The following ANKRD36B variants were observed in gnomAD, a reference collection of about 807,000 sequenced individuals.
The protein encoded by ANKRD36B is ankyrin repeat domain 36B, also known as ankyrin repeat domain-containing protein 36B.
Under a neutral mutation model 135.7 loss-of-function variants are expected in ANKRD36B, and 37 were observed. The observed-to-expected ratio is 0.27, with a 90% confidence interval of 0.21 to 0.36. The LOEUF (loss-of-function observed/expected upper bound fraction) is 0.36, where lower values mean the gene tolerates loss of function less well. Ranked by LOEUF, ANKRD36B falls within the 10% of genes least tolerant of loss-of-function variation. ANKRD36B has a pLI of 1.00. For synonymous variants in ANKRD36B, 179 were observed against 348.1 expected (o/e 0.51, Z 5.41); for missense variants, 549 against 1,037.1 (o/e 0.53, Z 6.46).
At chr2:97,578,314 GC>G (rs2082356270) in intron 5 of ANKRD36B, among the ~76,000 whole-genome samples, 1 of 152,050 alleles carries the variant, frequency 6.6e-6, no homozygotes, top group Non-Finnish European at 1.5e-5. Context: ...GAAAGGGCAT[GC>G]TGGTAGCAAA....
Position 97,589,769 on chromosome 2 carries a change from T to G in ANKRD36B, c.-84A>C. 3.1e-6 allele frequency: 5 copies of G among 1,605,586 alleles called. No homozygotes were observed. Among genetic ancestry groups the G allele is most frequent in the Non-Finnish European group, 4.3e-6 (5 of 1,175,634 alleles). Reference sequence around the variant, plus strand: ...CCTGCAGCCGTATTTCAGCTCGCCTTCGGGGATCGCCGCCTCCGAAGAGCA... The same window carrying G: ...CCTGCAGCCGTATTTCAGCTCGCCTGCGGGGATCGCCGCCTCCGAAGAGCA... On this transcript the variant is annotated 5_prime_UTR_variant, in exon 1 of 44. Transcript: ENST00000359901.
intron 5 of ANKRD36B, among the ~76,000 whole-genome samples, chr2:97,578,664 G>A (rs2082380271): frequency 6.6e-6 from 1 of 152,070 alleles, no homozygotes; most frequent in Non-Finnish European, 1.5e-5. Context: ...AATCCCTAAG[G>A]AGAAAAGTCC....
At position 97,494,748 on chromosome 2, in the gene ANKRD36B, T is replaced by C. The variant is rs1444843814; in HGVS notation, c.*7-1893A>G. Among the ~76,000 whole-genome samples, 3 of 83,478 alleles carry C rather than the reference T, an allele frequency of 3.6e-5. 1 individual carries two copies. The highest frequency in any genetic ancestry group is 1.1e-4 in the Non-Finnish European group (3 of 27,806). The allele number at this position is 83,478 out of a possible 152,430, so 54.8% of individuals were successfully genotyped here. On this transcript the variant is annotated intron_variant, in intron 43 of 43. Coordinates refer to ENST00000359901, the MANE Select transcript of ANKRD36B (RefSeq NM_001393939.1). ...GCTTTCTGGATCAGGCTTTCTGTTT[T>C]CTTCCCCATGCTTGATAAATTCTCT...
At chr2:97,550,465 C>A (rs11691779) in intron 18 of ANKRD36B, among the ~76,000 whole-genome samples, 84,480 of 151,682 alleles carry the variant, frequency 0.56, 25,183 homozygotes, top group Non-Finnish European at 0.67. Flanking sequence ...TCTAAAATAG[C>A]TTTGTTGGGA....
chr2:97,585,653 A>G (rs984409330), intron 1 of ANKRD36B, among the ~76,000 whole-genome samples: 9 of 152,190 alleles, frequency 5.9e-5, no homozygotes, highest in Non-Finnish European at 1.2e-4. Context: ...TCTTTGCTTC[A>G]ATTTCCTTAT....
Position 97,580,548 on chromosome 2 carries a change from T to C in ANKRD36B, c.471A>G (p.Leu157=), listed in dbSNP as rs778300806. 1 of 1,546,132 alleles carries C rather than the reference T, an allele frequency of 6.5e-7. No homozygotes were observed. ...TCACTTTTCTTCGACTCACAGCAAG[T>C]AACAGTGGCTGATATTCATTCTGTA... The part of the protein sequence containing the change: ...ECSKNEYQPL[L]LAVSRRKVKM... Residue 157 remains leucine, a synonymous_variant, in exon 4 of 44, where the codon TTA becomes TTG. Transcript: ENST00000359901.
intron 12 of ANKRD36B, among the ~76,000 whole-genome samples, chr2:97,555,508 T>C (rs1400478162): frequency 6.6e-6 from 1 of 151,954 alleles, no homozygotes; most frequent in East Asian, 2.0e-4. Context: ...ACAGTGTTAG[T>C]ATCAATGTGA....
intron 5 of ANKRD36B, among the ~76,000 whole-genome samples, chr2:97,577,669 TA>T (rs2082317639): frequency 1.3e-5 from 2 of 149,572 alleles, no homozygotes; most frequent in Non-Finnish European, 3.0e-5. Context: ...GGATGAGGGT[TA>T]GCTCTGTTAA....
rs773638532 is a variant in ANKRD36B at position 97,549,467 on chromosome 2, CA to C, written c.1428del (p.Val477PhefsTer2). The C allele has an allele frequency of 4.4e-6, 7 of 1,590,572 alleles. 1 individual carries two copies. In the South Asian group the frequency reaches 6.8e-5, roughly 15 times the overall value. ...ALKATSVKED[S>X]VLNIAREKKD... The stretch of plus-strand genomic sequence containing the variant: ...TTTTTTTCTCTGGCTATATTCAAAA[CA>C]GAATCTTCCTTGACACTTGTAGCCT... On this transcript the variant is annotated frameshift_variant, in exon 20 of 44. Transcript: ENST00000359901. LOFTEE classifies it high-confidence loss of function.
rs1403383586 is a variant in ANKRD36B at position 97,533,069 on chromosome 2, T to C, written c.2192-685A>G. 5.1e-5 allele frequency among the ~76,000 whole-genome samples: 5 copies of C among 97,182 alleles called. 1 individual carries two copies. Among genetic ancestry groups the C allele is most frequent in the Admixed American group, 9.1e-5 (1 of 10,946 alleles). The allele number at this position is 97,182 out of a possible 152,430, so 63.8% of individuals were successfully genotyped here. A position where few individuals can be genotyped will look rare whatever the true frequency, so the allele number is the denominator to read the frequency against. On this transcript the variant is annotated intron_variant, in intron 34 of 43. Coordinates refer to ENST00000359901, the MANE Select transcript of ANKRD36B (RefSeq NM_001393939.1). ...CATTGAGCCTGCTGTTCATTATTAATCATTTCCAAAATGACTGCTACTGTT... is the reference window on the plus strand; with the variant it reads ...CATTGAGCCTGCTGTTCATTATTAACCATTTCCAAAATGACTGCTACTGTT...
chr2:97,553,482 C>T, intron 14 of ANKRD36B, 111 bp from the exon 15 acceptor site: 2 of 1,308,640 alleles, frequency 1.5e-6, no homozygotes, highest in Non-Finnish European at 2.1e-6. Flanking sequence ...TTAGTGTAGG[C>T]TTTGATGTTT....
chr2:97,578,878 T>C (rs1343661053), intron 5 of ANKRD36B, 28 bp downstream of exon 5: 4 of 1,606,426 alleles, frequency 2.5e-6, no homozygotes, highest in Middle Eastern at 1.7e-4. Context: ...AATTTAGTGT[T>C]CATTAGCCTT....
intron 20 of ANKRD36B, 28 bp from the exon 21 acceptor site, chr2:97,547,759 C>T (rs1302171656): frequency 6.5e-7 from 1 of 1,547,998 alleles, no homozygotes; most frequent in Non-Finnish European, 8.7e-7. Flanking sequence ...TTCATAATCA[C>T]TCATATGTAA....
chr2:97,569,649 G>A (rs944058775), intron 6 of ANKRD36B, among the ~76,000 whole-genome samples: 7 of 151,106 alleles, frequency 4.6e-5, no homozygotes, highest in African/African-American at 7.3e-5. Flanking sequence ...ATGAACGTGA[G>A]GGGGGATGGC....
chr2:97,545,861 A>G lies in ANKRD36B; in HGVS notation c.1580T>C (p.Val527Ala), dbSNP rs747133659. The G allele has an allele frequency of 2.1e-6, 2 of 954,020 alleles. No individual in the cohort carries two copies. Among genetic ancestry groups the G allele is most frequent in the South Asian group, 2.4e-5 (2 of 84,584 alleles). The allele number at this position is 954,020 out of a possible 1,614,324, so 59.1% of individuals were successfully genotyped here. ...CAAGGATGGTTGTTTATGAGAAGAC[A>G]CTGAAAAGCAAAAGGGATACATAAT... is the stretch of plus-strand genomic sequence containing the variant. ...GKKDGEKTRR[V>A]SSHKQPSLKA... is the part of the protein sequence containing the mutation. Residue 527 changes from valine to alanine, a missense_variant and splice_region_variant, in exon 23 of 44, where the codon GTG becomes GCG. By Grantham distance (64) the Val-to-Ala change is moderately conservative. Coordinates refer to ENST00000359901, the MANE Select transcript of ANKRD36B (RefSeq NM_001393939.1).
intron 22 of ANKRD36B, 157 bp downstream of exon 22, chr2:97,547,379 G>GC (rs1312958737): frequency 2.2e-6 from 2 of 910,840 alleles, no homozygotes; most frequent in African/African-American, 3.4e-5. Context: ...CAGACCAGCA[G>GC]CAACACTATC....
rs746878176 is a variant in ANKRD36B at position 97,558,886 on chromosome 2, A to G, written c.895-15T>C. 6.2e-7 allele frequency: 1 copy of G among 1,610,368 alleles called. No homozygotes were observed. The highest frequency in any genetic ancestry group is 8.5e-7 in the Non-Finnish European group (1 of 1,178,800). On this transcript the variant is annotated splice_polypyrimidine_tract_variant and intron_variant, in intron 9 of 43. Transcript: ENST00000359901. ...TCACTTGTAGCCTGAATGGGATTTGAAACAAAATAATCAATATGTAAAGTA... is the reference window on the plus strand; with the variant it reads ...TCACTTGTAGCCTGAATGGGATTTGGAACAAAATAATCAATATGTAAAGTA...
intron 20 of ANKRD36B, 75 bp downstream of exon 20, chr2:97,549,344 C>G (rs771691592): frequency 6.8e-7 from 1 of 1,475,116 alleles, no homozygotes; most frequent in Non-Finnish European, 9.1e-7. Flanking sequence ...ACGAGCCCCC[C>G]GCTGATTTAT....
chr2:97,577,168 G>C (rs1373307572), intron 5 of ANKRD36B, among the ~76,000 whole-genome samples: 3 of 148,784 alleles, frequency 2.0e-5, no homozygotes, highest in South Asian at 4.3e-4. Flanking sequence ...CAGATGTCAA[G>C]ATCTGGCTTG....
Sources: allele counts gnomAD v4.1 joint callset (sites outside exome capture counted in the v4.1 genomes callset), GRCh38; gene constraint gnomAD v4.1.1; transcripts MANE v1.5; gene names NCBI Gene and HGNC (gene_info 2026-07-23, HGNC 2026-07-21).